The following DLG1 variants were observed in gnomAD, a reference collection of about 807,000 sequenced individuals.
DLG1 encodes disks large homolog 1.
A neutral mutation model predicts 123.4 loss-of-function variants in DLG1; 42 were observed. The observed-to-expected ratio is 0.34, with a 90% CI of 0.27 to 0.44. DLG1 has a LOEUF of 0.44. Ranked by LOEUF, DLG1 falls within the 20% of genes least tolerant of loss-of-function variation. The probability of loss-of-function intolerance (pLI) is 1.00; values close to 1 mark genes in which losing one functional copy is unlikely to be tolerated. For synonymous variants in DLG1, 317 were observed against 356.2 expected (o/e 0.89, Z 1.24); for missense variants, 942 against 1,082.6 (o/e 0.87, Z 1.82).
intron 20 of DLG1, 65 bp from the exon 21 acceptor site, chr3:197,065,874 A>T (rs1739170260): frequency 9.3e-7 from 1 of 1,078,084 alleles, no homozygotes; most frequent in Middle Eastern, 2.6e-4. Flanking sequence ...ATTTTATTTC[A>T]CCAGCGAACA....
intron 16 of DLG1, 65 bp from the exon 17 acceptor site, chr3:197,081,182 AC>A: frequency 6.8e-7 from 1 of 1,463,738 alleles, no homozygotes; most frequent in South Asian, 1.2e-5. Flanking sequence ...ACTAGAAATA[AC>A]CAGAATTGTT....
chr3:197,163,011 A>T (rs1372046456), intron 5 of DLG1, among the ~76,000 whole-genome samples: 8 of 152,234 alleles, frequency 5.3e-5, no homozygotes, highest in Non-Finnish European at 8.8e-5. Context: ...CAACACAAAG[A>T]GAAACAACCC....
intron 4 of DLG1, among the ~76,000 whole-genome samples, chr3:197,264,779 T>C (rs936871861): frequency 9.2e-5 from 14 of 152,142 alleles, no homozygotes; most frequent in Non-Finnish European, 2.1e-4. Flanking sequence ...ACAAGTATAA[T>C]GCAAATATCA....
At chr3:197,059,169 C>T (rs1734033768) in intron 23 of DLG1, among the ~76,000 whole-genome samples, 1 of 152,192 alleles carries the variant, frequency 6.6e-6, no homozygotes, top group Admixed American at 6.5e-5. Context: ...TCGTGATCTG[C>T]CCGCCTCAGC....
chr3:197,222,406 T>C (rs1048447304), intron 4 of DLG1, among the ~76,000 whole-genome samples: 5 of 152,004 alleles, frequency 3.3e-5, no homozygotes, highest in South Asian at 2.1e-4. Context: ...GAGGAAAAAA[T>C]AGGGGTCCAT....
chr3:197,130,509 G>T lies in DLG1; in HGVS notation c.1165+18C>A. On this transcript the variant is annotated intron_variant, in intron 11 of 24. Coordinates refer to ENST00000667157, the MANE Select transcript of DLG1 (RefSeq NM_001366207.1). The stretch of plus-strand genomic sequence containing the variant: ...AGAAGTAAGATAAATTTAAGCAAAC[G>T]TATGCTAACAGACTTACAGTTGGTG... The T allele has an allele frequency of 6.4e-7, 1 of 1,562,558 alleles. No homozygotes were observed.
chr3:197,096,041 CA>C (rs1760454387), intron 14 of DLG1, among the ~76,000 whole-genome samples: 1 of 152,166 alleles, frequency 6.6e-6, no homozygotes, highest in Non-Finnish European at 1.5e-5. Flanking sequence ...ATAATATTTG[CA>C]AGGCAAGATC....
At chr3:197,046,232 A>G (rs1292631189) in intron 24 of DLG1, among the ~76,000 whole-genome samples, 1 of 152,102 alleles carries the variant, frequency 6.6e-6, no homozygotes, top group Non-Finnish European at 1.5e-5. Flanking sequence ...TTTATTTTAG[A>G]GCATTTCATA....
intron 5 of DLG1, among the ~76,000 whole-genome samples, chr3:197,162,939 T>C (rs972469161): frequency 6.6e-6 from 1 of 152,192 alleles, no homozygotes; most frequent in African/African-American, 2.4e-5. Flanking sequence ...AGAAGGTATT[T>C]GCAAATCATA....
At position 197,065,397 on chromosome 3, in the gene DLG1, A is replaced by C; in HGVS notation, c.2252T>G (p.Phe751Cys). ...TTCCATCTGCTCTCTTGAAGTCACA[A>C]AATGATAATCTCTTCCATCTACCTC... The part of the protein sequence containing the change: ...DYEVDGRDYH[F>C]VTSREQMEKD... Residue 751 changes from phenylalanine (F) to cysteine (C), a missense_variant, in exon 22 of 25, where the codon TTT becomes TGT. Coordinates refer to ENST00000667157, the MANE Select transcript of DLG1 (RefSeq NM_001366207.1). 6.2e-7 allele frequency: 1 copy of C among 1,613,346 alleles called. No individual in the cohort carries two copies. Among genetic ancestry groups the C allele is most frequent in the Non-Finnish European group, 8.5e-7 (1 of 1,179,722 alleles).
chr3:197,264,502 C>T (rs1198312076), intron 4 of DLG1, among the ~76,000 whole-genome samples: 1 of 152,186 alleles, frequency 6.6e-6, no homozygotes, highest in Non-Finnish European at 1.5e-5. Context: ...CAACTTACTG[C>T]AACCTTTGCC....
At chr3:197,188,627 T>G (rs2150201835) in intron 5 of DLG1, among the ~76,000 whole-genome samples, 1 of 152,298 alleles carries the variant, frequency 6.6e-6, no homozygotes, top group Middle Eastern at 3.4e-3. Flanking sequence ...TTTTTCAAAT[T>G]ATAAAATAAT....
intron 4 of DLG1, among the ~76,000 whole-genome samples, chr3:197,237,629 G>A (rs374521498): frequency 2.6e-5 from 4 of 152,158 alleles, no homozygotes; most frequent in African/African-American, 4.8e-5. Context: ...ACTGGGGCTG[G>A]GTCAGAGAAG....
intron 5 of DLG1, among the ~76,000 whole-genome samples, chr3:197,186,413 C>T (rs1250184443): frequency 6.6e-6 from 1 of 152,194 alleles, no homozygotes; most frequent in South Asian, 2.1e-4. Flanking sequence ...AAAGGAATCA[C>T]TATTAACATC....
At chr3:197,243,834 A>G (rs1750222435) in intron 4 of DLG1, among the ~76,000 whole-genome samples, 1 of 152,138 alleles carries the variant, frequency 6.6e-6, no homozygotes, top group Non-Finnish European at 1.5e-5. Flanking sequence ...CTTTAAATTC[A>G]TTTCGTACCC....
At chr3:197,106,919 G>A (rs1766794799) in intron 13 of DLG1, among the ~76,000 whole-genome samples, 1 of 151,956 alleles carries the variant, frequency 6.6e-6, no homozygotes, top group South Asian at 2.1e-4. Context: ...ATAGTTTAGT[G>A]GTTTTTGGTA....
intron 12 of DLG1, among the ~76,000 whole-genome samples, chr3:197,118,331 G>T (rs1774427226): frequency 6.6e-6 from 1 of 152,174 alleles, no homozygotes; most frequent in Non-Finnish European, 1.5e-5. Context: ...CACTCTAGAA[G>T]CACTGCCTGA....
At chr3:197,272,389 T>C (rs1457181067) in intron 4 of DLG1, among the ~76,000 whole-genome samples, 2 of 152,152 alleles carry the variant, frequency 1.3e-5, no homozygotes, top group Non-Finnish European at 2.9e-5. Context: ...AAAACTGTGC[T>C]GTTGTTTTTA....
intron 5 of DLG1, among the ~76,000 whole-genome samples, chr3:197,161,188 G>C (rs951316798): frequency 2.0e-5 from 3 of 152,100 alleles, no homozygotes; most frequent in East Asian, 1.9e-4. Flanking sequence ...TAATAAATGT[G>C]AAGTGTGTTA....
Sources: gnomAD v4.1 joint callset for allele counts (sites outside exome capture counted in the v4.1 genomes callset) on GRCh38, gnomAD v4.1.1 for gene constraint, MANE v1.5 for transcripts, NCBI Gene and HGNC (gene_info 2026-07-23, HGNC 2026-07-21) for gene names.